The following STK32B variants were observed in gnomAD, a reference collection of about 807,000 sequenced individuals.
STK32B encodes the protein serine/threonine-protein kinase 32B.
In STK32B, 43 loss-of-function variants were observed where a neutral mutation model predicts 52.6. The ratio of observed to expected loss-of-function variants is 0.82; its 90% CI spans 0.64 to 1.05. The LOEUF (loss-of-function observed/expected upper bound fraction) is 1.05, where lower values mean the gene tolerates loss of function less well. Among genes scored for constraint, STK32B ranks in the 50% least tolerant of loss-of-function variants. STK32B has a pLI of 0.00. For synonymous variants in STK32B, 238 were observed against 204.3 expected (o/e 1.17, Z -1.41); for missense variants, 621 against 534.6 (o/e 1.16, Z -1.59).
At chr4:5,108,548 T>A (rs987338441) in intron 1 of STK32B, among the ~76,000 whole-genome samples, 1 of 152,252 alleles carries the variant, frequency 6.6e-6, no homozygotes, top group Non-Finnish European at 1.5e-5. Flanking sequence ...TTGTCGTTTT[T>A]AATATTTCAA....
chr4:5,198,668 G>GCCAC (rs1357122230), intron 3 of STK32B, among the ~76,000 whole-genome samples: 1 of 152,162 alleles, frequency 6.6e-6, no homozygotes, highest in Non-Finnish European at 1.5e-5. Flanking sequence ...GGGTGGTGAT[G>GCCAC]CCACACTCCC....
intron 3 of STK32B, among the ~76,000 whole-genome samples, chr4:5,257,949 GAAAAAGAA>G (rs1253573901): frequency 6.6e-6 from 1 of 151,676 alleles, no homozygotes; most frequent in Non-Finnish European, 1.5e-5. Flanking sequence ...TCTCAAAAAA[GAAAAAGAA>G]AAAAAGAAAA....
At chr4:5,293,479 G>A (rs139372050) in intron 3 of STK32B, among the ~76,000 whole-genome samples, 14,266 of 151,834 alleles carry the variant, frequency 0.094, 894 homozygotes, top group African/African-American at 0.17. Context: ...AATGATTGCC[G>A]TTCTAACAGG....
intron 11 of STK32B, among the ~76,000 whole-genome samples, chr4:5,495,250 T>C (rs556234144): frequency 6.6e-6 from 1 of 152,286 alleles, no homozygotes; most frequent in African/African-American, 2.4e-5. Context: ...CATAGTCCCA[T>C]ATTTCTTGGA....
chr4:5,064,161 T>G (rs1179103260), intron 1 of STK32B, among the ~76,000 whole-genome samples: 3 of 151,088 alleles, frequency 2.0e-5, no homozygotes, highest in African/African-American at 7.3e-5. Flanking sequence ...TTAGTCATAC[T>G]TATTAAGCTT....
chr4:5,484,889 TTTTC>T (rs1196959069), intron 11 of STK32B, among the ~76,000 whole-genome samples: 11 of 152,202 alleles, frequency 7.2e-5, no homozygotes, highest in South Asian at 2.1e-4. Flanking sequence ...TTGAAAATTC[TTTTC>T]TTTAAGAATG....
chr4:5,155,714 C>G (rs1351518613), intron 2 of STK32B, among the ~76,000 whole-genome samples: 2 of 152,152 alleles, frequency 1.3e-5, no homozygotes, highest in African/African-American at 2.4e-5. Context: ...TCCTTGCTCT[C>G]TTTCTCCTCC....
At chr4:5,495,217 C>G (rs868396795) in intron 11 of STK32B, among the ~76,000 whole-genome samples, 3 of 152,188 alleles carry the variant, frequency 2.0e-5, no homozygotes, top group South Asian at 2.1e-4. Context: ...GTACACCAAT[C>G]AGACGTAGAT....
chr4:5,290,818 T>C (rs1227505322), intron 3 of STK32B, among the ~76,000 whole-genome samples: 1 of 152,164 alleles, frequency 6.6e-6, no homozygotes, highest in African/African-American at 2.4e-5. Context: ...TGCAGTACTC[T>C]TGAAATTGAT....
At chr4:5,178,552 G>GT (rs1395307959) in intron 3 of STK32B, among the ~76,000 whole-genome samples, 17 of 152,178 alleles carry the variant, frequency 1.1e-4, no homozygotes, top group Non-Finnish European at 2.9e-5. Context: ...CCGAAAATGG[G>GT]TTTTTCTTTT....
At chr4:5,143,300 A>C (rs1457090125) in intron 2 of STK32B, among the ~76,000 whole-genome samples, 2 of 152,158 alleles carry the variant, frequency 1.3e-5, no homozygotes, top group Non-Finnish European at 2.9e-5. Context: ...ATGTACAGCA[A>C]ACTGTTTCAC....
At position 5,457,874 on chromosome 4, in the gene STK32B, A is replaced by AGCGAG. The variant is rs371807805; in HGVS notation, c.783+960_783+964dup. Among the ~76,000 whole-genome samples, 387 of 138,892 alleles carry AGCGAG rather than the reference A, an allele frequency of 2.8e-3. 3 individuals are homozygous for AGCGAG. The highest frequency in any genetic ancestry group is 9.6e-3 in the African/African-American group (372 of 38,730). 91.1% of individuals were successfully genotyped at this position (138,892 alleles called of 152,430 possible). A position where few individuals can be genotyped will look rare whatever the true frequency, so the allele number is the denominator to read the frequency against. On this transcript the variant is annotated intron_variant, in intron 8 of 11. Transcript: ENST00000282908. ...GCAACAAGAGCAAAACTCTGAAAGA[A>AGCGAG]GCGAGGCGAGGCGGAAGGGAGGGAG...
At chr4:5,367,736 A>G (rs531717240) in intron 4 of STK32B, among the ~76,000 whole-genome samples, 1 of 152,274 alleles carries the variant, frequency 6.6e-6, no homozygotes, top group African/African-American at 2.4e-5. Context: ...CTTTATTTTT[A>G]TTGTATCCTT....
chr4:5,201,796 G>A (rs146750507), intron 3 of STK32B, among the ~76,000 whole-genome samples: 28 of 152,206 alleles, frequency 1.8e-4, no homozygotes, highest in African/African-American at 5.3e-4. Context: ...TCACTGTCTC[G>A]AGAATAGAAT....
intron 2 of STK32B, among the ~76,000 whole-genome samples, chr4:5,154,289 C>A (rs1298732547): frequency 6.7e-6 from 1 of 149,046 alleles, no homozygotes; most frequent in African/African-American, 2.5e-5. Flanking sequence ...GATCTTGGCT[C>A]ACTGCCACCT....
At chr4:5,483,565 GTTT>G (rs557570442) in intron 11 of STK32B, among the ~76,000 whole-genome samples, 1 of 151,994 alleles carries the variant, frequency 6.6e-6, no homozygotes, top group Non-Finnish European at 1.5e-5. Context: ...TTTTTTGAAG[GTTT>G]TTTTGTGTCT....
intron 3 of STK32B, among the ~76,000 whole-genome samples, chr4:5,271,323 A>C (rs1032939813): frequency 3.9e-5 from 6 of 152,172 alleles, no homozygotes; most frequent in African/African-American, 9.7e-5. Context: ...TAACCTGTAC[A>C]CTGAATACCA....
intron 3 of STK32B, among the ~76,000 whole-genome samples, chr4:5,290,182 G>C (rs1345288026): frequency 6.6e-6 from 1 of 151,894 alleles, no homozygotes; most frequent in Non-Finnish European, 1.5e-5. Context: ...ATCTTCCAAG[G>C]CTCACCTTGC....
At chr4:5,207,724 GTGTC>G (rs1722662772) in intron 3 of STK32B, among the ~76,000 whole-genome samples, 1 of 151,506 alleles carries the variant, frequency 6.6e-6, no homozygotes, top group Admixed American at 6.6e-5. Flanking sequence ...TCTTAAGAAA[GTGTC>G]TGAGACTGCA....
Sources: gnomAD v4.1 joint callset for allele counts (sites outside exome capture counted in the v4.1 genomes callset) on GRCh38, gnomAD v4.1.1 for gene constraint, MANE v1.5 for transcripts, NCBI Gene and HGNC (gene_info 2026-07-23, HGNC 2026-07-21) for gene names.